Variants in OGDHL observed in about 807,000 individuals in gnomAD.
OGDHL encodes the protein 2-oxoglutarate dehydrogenase-like, mitochondrial.
In OGDHL, 79 loss-of-function variants were observed where a neutral mutation model predicts 109.6. That is an observed-to-expected ratio of 0.72 (90% CI 0.60 to 0.87). OGDHL has a LOEUF of 0.87. Ranked by LOEUF, OGDHL falls within the 40% of genes least tolerant of loss-of-function variation. OGDHL has a pLI of 0.00. For missense variants in OGDHL, 1,275 were observed against 1,362.2 expected, an observed-to-expected ratio of 0.94 and a Z score of 1.01; for synonymous variants, 528 against 537.2, an observed-to-expected ratio of 0.98 and a Z score of 0.24.
intron 2 of OGDHL, among the ~76,000 whole-genome samples, chr10:49,757,835 T>C (rs1278643731): frequency 6.6e-6 from 1 of 152,196 alleles, no homozygotes; most frequent in African/African-American, 2.4e-5. Context: ...CTAATGCAAG[T>C]CTTGGAAAGG....
chr10:49,758,925 G>C (rs1203917755), intron 1 of OGDHL, among the ~76,000 whole-genome samples: 1 of 151,606 alleles, frequency 6.6e-6, no homozygotes, highest in Non-Finnish European at 1.5e-5. Flanking sequence ...GCCTCAGGGA[G>C]CACCCACCTA....
In OGDHL at chr10:49,735,198, C is replaced by G. The variant is rs1841054066; in HGVS notation, c.*30G>C. The G allele has an allele frequency of 6.3e-7, 1 of 1,585,426 alleles. No homozygotes were observed. Among genetic ancestry groups the G allele is most frequent in the Admixed American group, 1.7e-5 (1 of 57,978 alleles). ...ACCCCCTTGGTCCCCAGCAAACCCA[C>G]AGCGAGACCTACACAGGTTTTGCCC... is the stretch of plus-strand genomic sequence containing the variant. On this transcript the variant is annotated 3_prime_UTR_variant, in exon 23 of 23. Transcript: ENST00000374103.
chr10:49,742,990 GAGTGCTGGCCTGAGGGCCA>G lies in OGDHL; in HGVS notation c.1862-31_1862-13del. The G allele has an allele frequency of 6.2e-7, 1 of 1,611,268 alleles. No homozygotes were observed. Among genetic ancestry groups the G allele is most frequent in the Non-Finnish European group, 8.5e-7 (1 of 1,179,790 alleles). On this transcript the variant is annotated splice_polypyrimidine_tract_variant and intron_variant, in intron 14 of 22. Transcript: ENST00000374103. ...AATGCGAGAGAGGCCTGTGGGAAAG[GAGTGCTGGCCTGAGGGCCA>G]AGGGACAGCCAGCCCTGGGGCGGGT...
Position 49,744,139 on chromosome 10 carries a change from C to A in OGDHL, c.1733-17G>T. On this transcript the variant is annotated splice_polypyrimidine_tract_variant and intron_variant, in intron 13 of 22. Coordinates refer to ENST00000374103, the MANE Select transcript of OGDHL (RefSeq NM_018245.3). ...TGAAGAAGCCTGAGAGGGAGAGAGG[C>A]TCTGTCCACACTGTGTCAGTGGTGG... is the stretch of plus-strand genomic sequence containing the variant. The A allele has an allele frequency of 6.2e-7, 1 of 1,612,614 alleles. No homozygotes were observed. Among genetic ancestry groups the A allele is most frequent in the African/African-American group, 1.3e-5 (1 of 75,038 alleles).
intron 10 of OGDHL, among the ~76,000 whole-genome samples, chr10:49,746,182 T>A (rs954227171): frequency 6.6e-6 from 1 of 152,108 alleles, no homozygotes; most frequent in Non-Finnish European, 1.5e-5. Context: ...ACCAGCCGGG[T>A]GGAGCCTGCT....
intron 9 of OGDHL, 43 bp downstream of exon 9, chr10:49,746,980 GCCCACC>G: frequency 1.2e-6 from 2 of 1,608,606 alleles, no homozygotes; most frequent in Non-Finnish European, 1.7e-6. Flanking sequence ...AGCCCTCTGG[GCCCACC>G]CTGAAGGGCC....
chr10:49,750,926 C>T lies in OGDHL; in HGVS notation c.809G>A (p.Cys270Tyr). The stretch of plus-strand genomic sequence containing the variant: ...CTTGAGGGCAGGAATCATCACTTCA[C>T]AGCCCTCCAGGCCAAACCGCTTCTC... ...SSEKRFGLEG[C>Y]EVMIPALKTI... The change falls in exon 7 of 23, where the codon TGT (cysteine) becomes TAT (tyrosine). Residue 270 changes from cysteine to tyrosine, a missense_variant. Transcript: ENST00000374103. 3 of 1,612,188 alleles carry T rather than the reference C, an allele frequency of 1.9e-6. No homozygotes were observed. Among genetic ancestry groups the T allele is most frequent in the Non-Finnish European group, 2.5e-6 (3 of 1,179,000 alleles).
In OGDHL at chr10:49,740,754, G is replaced by C. The variant is rs767987931; in HGVS notation, c.2096C>G (p.Pro699Arg). 2 of 1,613,868 alleles carry C rather than the reference G, an allele frequency of 1.2e-6. No individual in the cohort carries two copies. The highest frequency in any genetic ancestry group is 2.2e-5 in the South Asian group (2 of 91,074). ...PMNHLWPDQA[P>R]YTVCNSSLSE... ...GAGGGAGCTGTTGCACACGGTGTAC[G>C]GGGCCTGGTCAGGCCAGAGATGATT... Residue 699 changes from proline (P) to arginine (R), a missense_variant, in exon 16 of 23, where the codon CCG becomes CGG. Coordinates refer to ENST00000374103, the MANE Select transcript of OGDHL (RefSeq NM_018245.3).
Position 49,739,671 on chromosome 10 carries a change from A to G in OGDHL, c.2309T>C (p.Met770Thr), listed in dbSNP as rs1251999345. 11 of 1,613,422 alleles carry G rather than the reference A, an allele frequency of 6.8e-6. No homozygotes were observed. The highest frequency in any genetic ancestry group is 4.0e-5 in the African/African-American group (3 of 74,918). ...NGIVLLLPHG[M>T]EGMGPEHSSA... ...CACCGCAGCCCTCACCATGCCTTCC[A>G]TGCCATGGGGCAGCAGCAGCACAAT... is the stretch of plus-strand genomic sequence containing the variant. The change falls in exon 17 of 23, where the codon ATG becomes ACG. Residue 770 changes from methionine to threonine, a missense_variant. Physicochemically the swap from Met to Thr is moderately conservative, Grantham distance 81. Transcript: ENST00000374103.
intron 15 of OGDHL, among the ~76,000 whole-genome samples, chr10:49,742,345 CATGCA>C (rs1841786736): frequency 5.6e-5 from 1 of 17,972 alleles, no homozygotes; most frequent in Non-Finnish European, 1.3e-4. Flanking sequence ...ACACACCACA[CATGCA>C]CCACACAACA....
At chr10:49,748,183 C>T (rs1206547874) in intron 8 of OGDHL, among the ~76,000 whole-genome samples, 1 of 152,166 alleles carries the variant, frequency 6.6e-6, no homozygotes, top group Non-Finnish European at 1.5e-5. Flanking sequence ...GTGCAAGGAC[C>T]CTCATGAGAA....
rs1484067487 is a variant in OGDHL at position 49,739,932 on chromosome 10, C to T, written c.2141-93G>A. 3.1e-6 allele frequency: 4 copies of T among 1,289,286 alleles called. No individual in the cohort carries two copies. The Admixed American group carries it at 6.9e-5, about 22-fold the overall frequency. The allele number at this position is 1,289,286 out of a possible 1,614,324, so 79.9% of individuals were successfully genotyped here. A position where few individuals can be genotyped will look rare whatever the true frequency, so the allele number is the denominator to read the frequency against. On this transcript the variant is annotated intron_variant, in intron 16 of 22. Coordinates refer to ENST00000374103, the MANE Select transcript of OGDHL (RefSeq NM_018245.3). The stretch of plus-strand genomic sequence containing the variant: ...AGCCTTTCTCAGTATATCCTCCATG[C>T]CCCCACCCATCCTTCTCACAAGCCA...
intron 17 of OGDHL, chr10:49,738,552 G>T (rs184074041): frequency 7.1e-5 from 33 of 467,886 alleles, no homozygotes; most frequent in African/African-American, 6.3e-4. Context: ...TGGAACAGTG[G>T]CTGCCACTGA....
chr10:49,750,824 G>A lies in OGDHL; in HGVS notation c.896+15C>T, dbSNP rs61846867. The A allele has an allele frequency of 3.1e-6, 5 of 1,602,744 alleles. No homozygotes were observed. The highest frequency in any genetic ancestry group is 3.4e-6 in the Non-Finnish European group (4 of 1,173,472). ...GGAGGAGAATGCGCAAGGCACAGCA[G>A]GGAGGGGGACCCACCTGTGTGGCAT... On this transcript the variant is annotated intron_variant, in intron 7 of 22. Coordinates refer to ENST00000374103, the MANE Select transcript of OGDHL (RefSeq NM_018245.3).
chr10:49,746,521 C>A (rs1590724520), intron 10 of OGDHL, among the ~76,000 whole-genome samples: 1 of 152,362 alleles, frequency 6.6e-6, no homozygotes, highest in Admixed American at 6.5e-5. Context: ...CCATGAGGCA[C>A]TCGCTACACA....
At chr10:49,740,594 A>G in intron 16 of OGDHL, 116 bp downstream of exon 16, 1 of 1,291,494 alleles carries the variant, frequency 7.7e-7, no homozygotes, top group Non-Finnish European at 1.0e-6. Context: ...GCCATCCCCT[A>G]AGGGCCTCTG....
Position 49,745,387 on chromosome 10 carries a change from T to C in OGDHL, c.1586A>G (p.Asp529Gly). The C allele has an allele frequency of 1.2e-6, 2 of 1,614,132 alleles. No homozygotes were observed. The highest frequency in any genetic ancestry group is 8.5e-7 in the Non-Finnish European group (1 of 1,180,028). ...GACTGTGCCCTCGGCAATCAGCTTGTCTGCGTACTTCTTCAGCACAGGCAC... is the reference window on the plus strand; with the variant it reads ...GACTGTGCCCTCGGCAATCAGCTTGCCTGCGTACTTCTTCAGCACAGGCAC... ...RQVPVLKKYA[D>G]KLIAEGTVTL... Residue 529 changes from aspartate (D) to glycine (G), a missense_variant, in exon 12 of 23, where the codon GAC (aspartate) becomes GGC (glycine). Coordinates refer to ENST00000374103, the MANE Select transcript of OGDHL (RefSeq NM_018245.3).
At chr10:49,740,444 C>T (rs375086530) in intron 16 of OGDHL, among the ~76,000 whole-genome samples, 9 of 152,178 alleles carry the variant, frequency 5.9e-5, no homozygotes, top group Middle Eastern at 3.4e-3. Flanking sequence ...TCTGTCTGCG[C>T]CCACTGGGGC....
At chr10:49,742,270 C>G (rs901560810) in intron 15 of OGDHL, among the ~76,000 whole-genome samples, 3 of 137,644 alleles carry the variant, frequency 2.2e-5, no homozygotes, top group African/African-American at 8.2e-5. Flanking sequence ...CATACACACT[C>G]AACACACAAC....
Sources: gnomAD v4.1 joint callset for allele counts (sites outside exome capture counted in the v4.1 genomes callset) on GRCh38, gnomAD v4.1.1 for gene constraint, MANE v1.5 for transcripts, NCBI Gene and HGNC (gene_info 2026-07-23, HGNC 2026-07-21) for gene names.